The following PTPRD variants were observed in gnomAD, a reference collection of about 807,000 sequenced individuals.
PTPRD encodes the protein protein tyrosine phosphatase receptor type D.
A neutral mutation model predicts 214.5 loss-of-function variants in PTPRD; 34 were observed. The ratio of observed to expected loss-of-function variants is 0.16; its 90% CI spans 0.12 to 0.21. PTPRD has a LOEUF of 0.21. Among genes scored for constraint, PTPRD ranks in the 10% least tolerant of loss-of-function variants. The pLI, the probability that PTPRD is intolerant of heterozygous loss-of-function variation, is 1.00. For missense variants in PTPRD, 2,545 were observed against 2,398.7 expected, an observed-to-expected ratio of 1.06 and a Z score of -1.27; for synonymous variants, 1,128 against 845.7, an observed-to-expected ratio of 1.33 and a Z score of -5.79.
chr9:8,916,525 G>A (rs1353939395), intron 11 of PTPRD, among the ~76,000 whole-genome samples: 1 of 152,116 alleles, frequency 6.6e-6, no homozygotes, highest in Non-Finnish European at 1.5e-5. Context: ...ATGAACTGGA[G>A]GTAGTGTGTA....
intron 12 of PTPRD, among the ~76,000 whole-genome samples, chr9:8,687,020 T>C (rs555524017): frequency 5.9e-5 from 9 of 152,320 alleles, no homozygotes; most frequent in East Asian, 3.9e-4. Context: ...ACTCTCATGA[T>C]TGAAAGAAAA....
chr9:9,264,472 T>C (rs1028376956), intron 9 of PTPRD, among the ~76,000 whole-genome samples: 1 of 151,388 alleles, frequency 6.6e-6, no homozygotes, highest in African/African-American at 2.4e-5. Flanking sequence ...TTGAAAATAT[T>C]CAGTAAGAGG....
intron 2 of PTPRD, among the ~76,000 whole-genome samples, chr9:10,447,296 A>G (rs1305354333): frequency 2.0e-5 from 3 of 152,026 alleles, no homozygotes; most frequent in East Asian, 1.9e-4. Context: ...TTGTCATGGA[A>G]GTTAATGAGA....
chr9:8,936,513 G>C (rs951615221), intron 11 of PTPRD, among the ~76,000 whole-genome samples: 1 of 145,604 alleles, frequency 6.9e-6, no homozygotes, highest in African/African-American at 2.5e-5. Flanking sequence ...AAAGACAAGC[G>C]ATTTAGTGTT....
At chr9:10,553,272 C>G (rs181049452) in intron 2 of PTPRD, among the ~76,000 whole-genome samples, 1 of 151,906 alleles carries the variant, frequency 6.6e-6, no homozygotes, top group East Asian at 1.9e-4. Flanking sequence ...AAATGAAAAA[C>G]ACCTAGAAGG....
At chr9:8,749,830 G>A (rs1007030827) in intron 11 of PTPRD, among the ~76,000 whole-genome samples, 13 of 152,094 alleles carry the variant, frequency 8.5e-5, no homozygotes, top group Non-Finnish European at 1.5e-4. Context: ...GGCTGGGTGC[G>A]GTGGCTTACG....
intron 10 of PTPRD, among the ~76,000 whole-genome samples, chr9:9,033,211 C>T (rs758363230): frequency 6.6e-4 from 100 of 152,152 alleles, no homozygotes; most frequent in Non-Finnish European, 1.1e-3. Context: ...TGTTTTCCCA[C>T]AGTGCATCCC....
chr9:8,819,184 G>C (rs892562866), intron 11 of PTPRD, among the ~76,000 whole-genome samples: 5 of 152,072 alleles, frequency 3.3e-5, no homozygotes, highest in Admixed American at 6.6e-5. Context: ...TGTGTCTTGA[G>C]TATTCCATTA....
chr9:9,740,361 A>ATTTTTTTTTTTTTTT (rs35876773), intron 6 of PTPRD, among the ~76,000 whole-genome samples: 2 of 145,628 alleles, frequency 1.4e-5, no homozygotes, highest in African/African-American at 5.1e-5. Flanking sequence ...TAAAACTACT[A>ATTTTTTTTTTTTTTT]TTTTTTTTTT....
chr9:9,643,619 A>G (rs1049790926), intron 7 of PTPRD, among the ~76,000 whole-genome samples: 2 of 152,176 alleles, frequency 1.3e-5, no homozygotes, highest in African/African-American at 2.4e-5. Context: ...TAAACATATT[A>G]TAGAAAATGG....
intron 3 of PTPRD, among the ~76,000 whole-genome samples, chr9:10,299,200 A>T (rs1222616590): frequency 3.3e-5 from 5 of 152,124 alleles, no homozygotes; most frequent in Non-Finnish European, 7.4e-5. Flanking sequence ...TTCACACTCA[A>T]TATTGGGTAG....
Position 9,316,082 on chromosome 9 carries a change from C to A in PTPRD, c.-203+81367G>T, listed in dbSNP as rs138297696. The stretch of plus-strand genomic sequence containing the variant: ...CCATAGAATCCTAAAGAAAACTCTA[C>A]ATATTGACAGTCAATTAGGATGTGC... On this transcript the variant is annotated intron_variant, in intron 9 of 45. Coordinates refer to ENST00000381196, the MANE Select transcript of PTPRD (RefSeq NM_002839.4). Among the ~76,000 whole-genome samples the A allele has an allele frequency of 5.0e-3, 759 of 152,058 alleles. 4 individuals carry two copies. Among genetic ancestry groups the A allele is most frequent in the African/African-American group, 0.017 (722 of 41,522 alleles).
chr9:9,463,976 G>T (rs1422135063), intron 8 of PTPRD, among the ~76,000 whole-genome samples: 3 of 152,108 alleles, frequency 2.0e-5, no homozygotes, highest in Non-Finnish European at 4.4e-5. Flanking sequence ...CCAGCTACCT[G>T]CTTCTTGTTA....
intron 39 of PTPRD, among the ~76,000 whole-genome samples, chr9:8,369,982 G>C (rs2081023065): frequency 6.6e-6 from 1 of 151,944 alleles, no homozygotes; most frequent in Non-Finnish European, 1.5e-5. Flanking sequence ...TTAGAATAAA[G>C]CCACAAATTA....
In PTPRD at chr9:9,834,495, G is replaced by C. The variant is rs145705676; in HGVS notation, c.-367-67644C>G. Reference sequence around the variant, plus strand: ...AAATTTGCCTCATAATCAGCCCAGTGAGATCTCCAATTCACCCTGTGTTTA... The same window carrying C: ...AAATTTGCCTCATAATCAGCCCAGTCAGATCTCCAATTCACCCTGTGTTTA... On this transcript the variant is annotated intron_variant, in intron 5 of 45. Transcript: ENST00000381196. 7.2e-3 allele frequency among the ~76,000 whole-genome samples: 1,099 copies of C among 152,056 alleles called. 12 individuals are homozygous for C. Among genetic ancestry groups the C allele is most frequent in the African/African-American group, 0.021 (887 of 41,478 alleles).
intron 2 of PTPRD, among the ~76,000 whole-genome samples, chr9:10,460,023 T>G (rs886675968): frequency 2.0e-4 from 30 of 152,080 alleles, no homozygotes; most frequent in Non-Finnish European, 2.2e-4. Context: ...TTCATAATGT[T>G]GTGTAGTCAG....
intron 10 of PTPRD, among the ~76,000 whole-genome samples, chr9:9,143,587 A>G (rs2099863759): frequency 2.6e-5 from 4 of 152,228 alleles, no homozygotes; most frequent in South Asian, 4.1e-4. Context: ...TTCTAATGGC[A>G]TAATTAACAG....
intron 11 of PTPRD, among the ~76,000 whole-genome samples, chr9:8,859,692 T>A (rs2098056301): frequency 6.6e-6 from 1 of 151,976 alleles, no homozygotes; most frequent in Non-Finnish European, 1.5e-5. Flanking sequence ...GCTGTGCTCC[T>A]GAAAGCCACC....
chr9:9,208,946 C>T (rs2099946739), intron 9 of PTPRD, among the ~76,000 whole-genome samples: 2 of 151,832 alleles, frequency 1.3e-5, no homozygotes, highest in Non-Finnish European at 1.5e-5. Flanking sequence ...TAGCTGGAAC[C>T]ACAGGCGCCC....
Sources: allele counts gnomAD v4.1 joint callset (sites outside exome capture counted in the v4.1 genomes callset), GRCh38; gene constraint gnomAD v4.1.1; transcripts MANE v1.5; gene names NCBI Gene and HGNC (gene_info 2026-07-23, HGNC 2026-07-21).